NLRP1: variants seen among roughly 807,000 people sequenced by gnomAD.
NLRP1 encodes NLR family pyrin domain containing 1, also known as NACHT, LRR and PYD domains-containing protein 1.
A neutral mutation model predicts 136.7 loss-of-function variants in NLRP1; 94 were observed. That is an observed-to-expected ratio of 0.69 (90% CI 0.58 to 0.82). The LOEUF is 0.82. NLRP1 is among the 40% of genes least tolerant of loss of function. NLRP1 has a pLI of 0.00. For synonymous variants in NLRP1, 690 were observed against 725.1 expected (o/e 0.95, Z 0.78); for missense variants, 1,575 against 1,802.7 (o/e 0.87, Z 2.29).
In NLRP1 at chr17:5,521,660, C is replaced by T. The variant is rs958676690; in HGVS notation, c.3647G>A (p.Gly1216Glu). Residue 1216 changes from glycine to glutamate, a missense_variant, in exon 13 of 17, where the codon GGA (glycine) becomes GAA (glutamate). Physicochemically the swap from Gly to Glu is moderately conservative, Grantham distance 98 (BLOSUM62 -2). Transcript: ENST00000572272. Reference sequence around the variant, plus strand: ...ATTATGGATCATTTTCAGGAGGACTCCCAAGGGGGAGAAGCTGGGGTTTTC... The same window carrying T: ...ATTATGGATCATTTTCAGGAGGACTTCCAAGGGGGAGAAGCTGGGGTTTTC... Reference protein sequence around the residue: ...VLENPSFSPLGVLLKMIHNAL... With the variant: ...VLENPSFSPLEVLLKMIHNAL... The T allele has an allele frequency of 1.2e-6, 2 of 1,613,850 alleles. No homozygotes were observed. Among genetic ancestry groups the T allele is most frequent in the Non-Finnish European group, 1.7e-6 (2 of 1,180,028 alleles).
At chr17:5,521,096 G>A in intron 13 of NLRP1, 84 bp from the exon 14 acceptor site, 2 of 1,381,620 alleles carry the variant, frequency 1.4e-6, no homozygotes, top group Non-Finnish European at 9.8e-7. Context: ...GCATCTGTGT[G>A]TTTGTGTGGA....
In NLRP1 at chr17:5,533,008, G is replaced by C. The variant is rs201138208; in HGVS notation, c.3134-24C>G. The C allele has an allele frequency of 2.0e-5, 32 of 1,598,190 alleles. No individual in the cohort carries two copies. In the East Asian group the frequency reaches 4.7e-4, roughly 23 times the overall value. On this transcript the variant is annotated intron_variant, in intron 10 of 16. Coordinates refer to ENST00000572272, the MANE Select transcript of NLRP1 (RefSeq NM_033004.4). ...CTCTGAAACAGCAAGGCAGCGGTCA[G>C]CTCCAGATTCTCCCGCCTGGCCTCC...
rs200713360 is a variant in NLRP1 at position 5,517,881 on chromosome 17, C to G, written c.3922G>C (p.Glu1308Gln). The change falls in exon 15 of 17, where the codon GAG becomes CAG. Residue 1308 changes from glutamate (E) to glutamine (Q), a missense_variant. Transcript: ENST00000572272. ...TCTCCAGGGCTTCGATAGCAGAGCT[C>G]CAGTTCCTGAAGAGGCAAAGAGTTG... is the stretch of plus-strand genomic sequence containing the variant. ...GMLEILPKELELCYRSPGEDQ... is the reference protein window; with the variant it reads ...GMLEILPKELQLCYRSPGEDQ... The G allele has an allele frequency of 5.3e-5, 85 of 1,613,960 alleles. No individual in the cohort carries two copies. The highest frequency in any genetic ancestry group is 6.8e-5 in the Non-Finnish European group (80 of 1,180,010).
rs891880231 is a variant in NLRP1 at position 5,582,121 on chromosome 17, A to T, written c.449-59T>A. On this transcript the variant is annotated intron_variant, in intron 2 of 16. Coordinates refer to ENST00000572272, the MANE Select transcript of NLRP1 (RefSeq NM_033004.4). ...TGAACATTTATTTTCTTTTAGGTGC[A>T]TATATTTTAAACTCTCACAACAGTC... 44 of 1,364,216 alleles carry T rather than the reference A, an allele frequency of 3.2e-5. No individual in the cohort carries two copies. The Middle Eastern group carries it at 7.1e-4, about 22-fold the overall frequency. 84.5% of individuals were successfully genotyped at this position (1,364,216 alleles called of 1,614,324 possible).
intron 5 of NLRP1, among the ~76,000 whole-genome samples, chr17:5,549,661 C>A (rs962780498): frequency 1.3e-5 from 2 of 152,162 alleles, no homozygotes; most frequent in Non-Finnish European, 2.9e-5. Context: ...TAATTACTTT[C>A]TTTTCAATCT....
At chr17:5,508,631 AGAG>A (rs1907476461) in intron 15 of NLRP1, among the ~76,000 whole-genome samples, 2 of 152,382 alleles carry the variant, frequency 1.3e-5, no homozygotes, top group African/African-American at 2.4e-5. Context: ...TGTCAGAACA[AGAG>A]GAGAATAGTT....
At chr17:5,581,430 G>A (rs1376451812) in intron 3 of NLRP1, among the ~76,000 whole-genome samples, 2 of 152,196 alleles carry the variant, frequency 1.3e-5, no homozygotes, top group East Asian at 1.9e-4. Context: ...TAAGTCCAAT[G>A]TACACGTAAA....
intron 12 of NLRP1, among the ~76,000 whole-genome samples, chr17:5,522,491 A>G (rs1045688435): frequency 2.0e-5 from 3 of 152,196 alleles, no homozygotes; most frequent in Admixed American, 2.0e-4. Context: ...TCTTGGACTT[A>G]CCAGGCTCCA....
At position 5,530,676 on chromosome 17, in the gene NLRP1, G is replaced by A. The variant is rs773542915; in HGVS notation, c.3325C>T (p.Arg1109Cys). The change falls in exon 12 of 17, where the codon CGC (arginine) becomes TGC (cysteine). Residue 1109 changes from arginine to cysteine, a missense_variant. Arg to Cys is a radical substitution (Grantham distance 180). Coordinates refer to ENST00000572272, the MANE Select transcript of NLRP1 (RefSeq NM_033004.4). ...RVHFPVAGSYRWPNTGLCFVM... is the reference protein window; with the variant it reads ...RVHFPVAGSYCWPNTGLCFVM... ...AAGCAGAGACCCGTGTTGGGCCAGC[G>A]GTAGGAGCCAGCTACAGGGAAGTGA... 9.9e-6 allele frequency: 16 copies of A among 1,614,076 alleles called. No individual in the cohort carries two copies. Among genetic ancestry groups the A allele is most frequent in the East Asian group, 2.2e-5 (1 of 44,902 alleles).
In NLRP1 at chr17:5,517,762, C is replaced by T. The variant is rs1238197158; in HGVS notation, c.4041G>A (p.Glu1347=). ...TGGATTTACCTGGTTTCACCAAGGC[C>T]TCCCACACCAGAGTCTCATCTTTCT... The part of the protein sequence containing the change: ...KDKKDETLVW[E]ALVKPGDLMP... The change falls in exon 15 of 17, where the codon GAG becomes GAA. Residue 1347 remains glutamate, a synonymous_variant. Transcript: ENST00000572272. 1.1e-5 allele frequency: 17 copies of T among 1,614,216 alleles called. No individual in the cohort carries two copies. The highest frequency in any genetic ancestry group is 1.4e-5 in the Non-Finnish European group (17 of 1,180,038).
chr17:5,565,621 A>C (rs149664200), intron 3 of NLRP1, among the ~76,000 whole-genome samples: 4 of 152,290 alleles, frequency 2.6e-5, no homozygotes, highest in Non-Finnish European at 5.9e-5. Flanking sequence ...TTGAGGTCTT[A>C]GATTTAAGTT....
At chr17:5,519,566 C>T (rs906970476) in intron 14 of NLRP1, among the ~76,000 whole-genome samples, 3 of 151,806 alleles carry the variant, frequency 2.0e-5, no homozygotes, top group Non-Finnish European at 4.4e-5. Context: ...CCTGCCTCAG[C>T]CTCCCGAGTA....
chr17:5,533,899 G>A lies in NLRP1; in HGVS notation c.3050C>T (p.Ser1017Leu). Reference sequence around the variant, plus strand: ...CCAGCCTTGCCCCTTCAAACTACCTGATCCGAGTCTCTGCCGCTTGAGTGA... The same window carrying A: ...CCAGCCTTGCCCCTTCAAACTACCTAATCCGAGTCTCTGCCGCTTGAGTGA... ...TSSLKRQRLGSERAASHVAQA... is the reference protein window; with the variant it reads ...TSSLKRQRLGLERAASHVAQA... Residue 1017 changes from serine (S) to leucine (L), a missense_variant and splice_region_variant, in exon 9 of 17, where the codon TCA (serine) becomes TTA (leucine). Physicochemically the swap from Ser to Leu is moderately radical, Grantham distance 145. Coordinates refer to ENST00000572272, the MANE Select transcript of NLRP1 (RefSeq NM_033004.4). The A allele has an allele frequency of 1.2e-6, 2 of 1,606,320 alleles. No homozygotes were observed. The highest frequency in any genetic ancestry group is 1.7e-6 in the Non-Finnish European group (2 of 1,174,364).
chr17:5,521,975 C>T (rs1256896157), intron 12 of NLRP1, among the ~76,000 whole-genome samples, 189 bp from the exon 13 acceptor site: 1 of 152,224 alleles, frequency 6.6e-6, no homozygotes, highest in African/African-American at 2.4e-5. Flanking sequence ...CAGGCGCCTG[C>T]CACCATGCCC....
Position 5,584,205 on chromosome 17 carries a change from G to C in NLRP1, c.-248C>G. On this transcript the variant is annotated 5_prime_UTR_variant, in exon 1 of 17. Transcript: ENST00000572272. The stretch of plus-strand genomic sequence containing the variant: ...ACTGGAAGAAGTCAGCTGATAGGGA[G>C]GTCCTGGGATGGGGTCCAGGGCCAG... 1 of 541,296 alleles carries C rather than the reference G, an allele frequency of 1.8e-6. No homozygotes were observed. Among genetic ancestry groups the C allele is most frequent in the Non-Finnish European group, 3.3e-6 (1 of 301,712 alleles). 33.5% of individuals were successfully genotyped at this position (541,296 alleles called of 1,614,324 possible). A position where few individuals can be genotyped will look rare whatever the true frequency, so the allele number is the denominator to read the frequency against.
At chr17:5,509,627 G>C (rs1468150599), downstream of NLRP1, among the ~76,000 whole-genome samples, 1 of 152,136 alleles carries the variant, frequency 6.6e-6, no homozygotes, top group Non-Finnish European at 1.5e-5. Flanking sequence ...GAGTACAATG[G>C]CGTGATCTCG....
chr17:5,570,641 C>T (rs1054904073), intron 3 of NLRP1, among the ~76,000 whole-genome samples: 25 of 152,010 alleles, frequency 1.6e-4, no homozygotes, highest in Non-Finnish European at 4.4e-5. Flanking sequence ...GAGAGATTCA[C>T]AGCTGAATTC....
chr17:5,548,720 T>C (rs1022361194), intron 5 of NLRP1, among the ~76,000 whole-genome samples: 5 of 152,090 alleles, frequency 3.3e-5, no homozygotes, highest in African/African-American at 1.2e-4. Flanking sequence ...CTATCACTAA[T>C]CCAATGGACA....
chr17:5,517,362 C>CCCCCCG lies in NLRP1; in HGVS notation c.4057+383_4057+384insCGGGGG, dbSNP rs78433357. On this transcript the variant is annotated intron_variant, in intron 15 of 16. Coordinates refer to ENST00000572272, the MANE Select transcript of NLRP1 (RefSeq NM_033004.4). ...TAGTGCACTCTGCACCCCCCCCCCT[C>CCCCCCG]CCACATACACAGACTTTCTTCCATT... is the stretch of plus-strand genomic sequence containing the variant. Among the ~76,000 whole-genome samples, 31 of 61,522 alleles carry CCCCCCG rather than the reference C, an allele frequency of 5.0e-4. 1 individual carries two copies. Among genetic ancestry groups the CCCCCCG allele is most frequent in the Admixed American group, 1.3e-3 (7 of 5,400 alleles). 40.4% of individuals were successfully genotyped at this position (61,522 alleles called of 152,430 possible).
Sources: allele counts gnomAD v4.1 joint callset (sites outside exome capture counted in the v4.1 genomes callset), GRCh38; gene constraint gnomAD v4.1.1; transcripts MANE v1.5; gene names NCBI Gene and HGNC (gene_info 2026-07-23, HGNC 2026-07-21).